Variants in HCN1 observed in about 807,000 individuals in gnomAD.
HCN1 encodes the protein hyperpolarization activated cyclic nucleotide gated potassium channel 1.
Under a neutral mutation model 78.9 loss-of-function variants are expected in HCN1, and 13 were observed. The observed-to-expected ratio is 0.16, with a 90% CI of 0.11 to 0.26. HCN1 has a LOEUF of 0.26. HCN1 is among the 10% of genes least tolerant of loss of function. The pLI is 1.00. For missense variants in HCN1, 810 were observed against 1,154.3 expected (o/e 0.70, Z 4.32); for synonymous variants, 552 against 455.5 (o/e 1.21, Z -2.70).
intron 4 of HCN1, among the ~76,000 whole-genome samples, chr5:45,372,254 T>A (rs1221724902): frequency 2.8e-5 from 2 of 72,532 alleles, no homozygotes; most frequent in Non-Finnish European, 4.5e-5. Flanking sequence ...ATATATAATA[T>A]ATATTTATAT....
At chr5:45,523,801 T>G (rs1377481486) in intron 2 of HCN1, among the ~76,000 whole-genome samples, 2 of 152,138 alleles carry the variant, frequency 1.3e-5, no homozygotes, top group African/African-American at 4.8e-5. Context: ...TTTCTCCCAT[T>G]TTGTAGGTTG....
At chr5:45,604,209 C>A (rs563043771) in intron 2 of HCN1, among the ~76,000 whole-genome samples, 1 of 152,200 alleles carries the variant, frequency 6.6e-6, no homozygotes, top group African/African-American at 2.4e-5. Context: ...ATCTTTACAA[C>A]AACTCTGTGA....
intron 1 of HCN1, among the ~76,000 whole-genome samples, chr5:45,667,193 T>G (rs1196739853): frequency 6.6e-6 from 1 of 151,904 alleles, no homozygotes; most frequent in African/African-American, 2.4e-5. Flanking sequence ...GTGGGCATAC[T>G]TTCAACTATC....
At chr5:45,281,016 CA>C (rs199597125) in intron 6 of HCN1, among the ~76,000 whole-genome samples, 6,286 of 125,338 alleles carry the variant, frequency 0.05, 195 homozygotes, top group East Asian at 0.21. Context: ...GATTCAGAGG[CA>C]AAAAAAAAAA....
chr5:45,554,447 G>A (rs192092556), intron 2 of HCN1, among the ~76,000 whole-genome samples: 190 of 151,776 alleles, frequency 1.3e-3, no homozygotes, highest in South Asian at 8.7e-3. Context: ...AAAAATAAAT[G>A]TAATCCCTCC....
At chr5:45,310,743 G>A (rs770390940) in intron 5 of HCN1, among the ~76,000 whole-genome samples, 2 of 152,060 alleles carry the variant, frequency 1.3e-5, no homozygotes, top group African/African-American at 2.4e-5. Flanking sequence ...ATTCAAAAGA[G>A]TAAAGACATG....
chr5:45,384,358 C>A (rs1308577823), intron 4 of HCN1, among the ~76,000 whole-genome samples: 1 of 152,014 alleles, frequency 6.6e-6, no homozygotes, highest in Non-Finnish European at 1.5e-5. Flanking sequence ...AATGTGAGAT[C>A]TATGGTATTT....
chr5:45,683,876 G>A (rs112160788), intron 1 of HCN1, among the ~76,000 whole-genome samples: 8 of 151,882 alleles, frequency 5.3e-5, no homozygotes, highest in Non-Finnish European at 8.8e-5. Flanking sequence ...TCGCCATGTT[G>A]CCCAGGCTGG....
At chr5:45,375,711 T>C (rs1451550574) in intron 4 of HCN1, among the ~76,000 whole-genome samples, 1 of 114,884 alleles carries the variant, frequency 8.7e-6, no homozygotes, top group Non-Finnish European at 1.7e-5. Flanking sequence ...ATGATACATA[T>C]TATATATAAT....
chr5:45,301,899 A>G (rs1487383048), intron 6 of HCN1, among the ~76,000 whole-genome samples: 1 of 152,042 alleles, frequency 6.6e-6, no homozygotes, highest in Non-Finnish European at 1.5e-5. Flanking sequence ...CAAGCAACAA[A>G]TTAGGAGAAA....
intron 1 of HCN1, among the ~76,000 whole-genome samples, chr5:45,649,981 A>G (rs1745646052): frequency 6.6e-6 from 1 of 152,130 alleles, no homozygotes; most frequent in African/African-American, 2.4e-5. Flanking sequence ...GAGGTTAGAA[A>G]TATGCTCTTA....
intron 3 of HCN1, among the ~76,000 whole-genome samples, chr5:45,449,699 A>G (rs1256056229): frequency 6.6e-6 from 1 of 151,794 alleles, no homozygotes; most frequent in African/African-American, 2.4e-5. Context: ...GGTCTTCTCC[A>G]GTTAGGTCAA....
At chr5:45,617,981 T>TTAATTTAAAAAAAGACATTCCAATGA (rs1193110333) in intron 2 of HCN1, among the ~76,000 whole-genome samples, 4 of 151,950 alleles carry the variant, frequency 2.6e-5, no homozygotes, top group South Asian at 2.1e-4. Flanking sequence ...TTCTCTCTGG[T>TTAATTTAAAAAAAGACATTCCAATGA]GAAATAACAA....
chr5:45,670,648 A>G (rs890306601), intron 1 of HCN1, among the ~76,000 whole-genome samples: 1 of 151,718 alleles, frequency 6.6e-6, no homozygotes, highest in Non-Finnish European at 1.5e-5. Flanking sequence ...GCAAACATAC[A>G]TTTCTCTAAT....
At chr5:45,315,626 G>A (rs1037113701) in intron 5 of HCN1, among the ~76,000 whole-genome samples, 4 of 152,096 alleles carry the variant, frequency 2.6e-5, no homozygotes, top group Admixed American at 2.0e-4. Flanking sequence ...GAATCCAGGA[G>A]CTGGTTTTTG....
At position 45,432,892 on chromosome 5, in the gene HCN1, G is replaced by C. The variant is rs542916753; in HGVS notation, c.1011+28954C>G. On this transcript the variant is annotated intron_variant, in intron 3 of 7. Coordinates refer to ENST00000303230, the MANE Select transcript of HCN1 (RefSeq NM_021072.4). ...TCACATGGCTAGGGAGGCAAACGAG[G>C]TGTTTGCCTCATGGTGGAAGGCAGA... is the stretch of plus-strand genomic sequence containing the variant. Among the ~76,000 whole-genome samples, 16 of 152,158 alleles carry C rather than the reference G, an allele frequency of 1.1e-4. No individual in the cohort carries two copies. In the South Asian group the frequency reaches 3.3e-3, roughly 32 times the overall value.
intron 5 of HCN1, among the ~76,000 whole-genome samples, chr5:45,316,908 T>C (rs1167340123): frequency 6.6e-6 from 1 of 151,910 alleles, no homozygotes; most frequent in East Asian, 1.9e-4. Context: ...CTCAACGAAA[T>C]AAAAGAGGAT....
rs145222679 is a variant in HCN1 at position 45,587,918 on chromosome 5, GCT to G, written c.849+57265_849+57266del. Among the ~76,000 whole-genome samples, 415 of 152,098 alleles carry G rather than the reference GCT, an allele frequency of 2.7e-3. 3 individuals are homozygous for G. The highest frequency in any genetic ancestry group is 9.6e-3 in the African/African-American group (400 of 41,494). On this transcript the variant is annotated intron_variant, in intron 2 of 7. Transcript: ENST00000303230. ...GCCCTTATTAATGAGGTCACAGAGA[GCT>G]CTCTTTCTCCTTCTCTTTCTTTTAT...
chr5:45,311,766 A>T (rs1745855802), intron 5 of HCN1, among the ~76,000 whole-genome samples: 1 of 152,194 alleles, frequency 6.6e-6, no homozygotes, highest in Non-Finnish European at 1.5e-5. Context: ...AGCTTTATTT[A>T]TTCCTCTGAG....
Sources: gnomAD v4.1 joint callset for allele counts (sites outside exome capture counted in the v4.1 genomes callset) on GRCh38, gnomAD v4.1.1 for gene constraint, MANE v1.5 for transcripts, NCBI Gene and HGNC (gene_info 2026-07-23, HGNC 2026-07-21) for gene names.